The following ARHGEF33 variants were observed in gnomAD, a reference collection of about 807,000 sequenced individuals.
ARHGEF33 encodes the protein Rho guanine nucleotide exchange factor 33, also known as DH and coiled-coil domain-containing protein ENSP00000381780.
ARHGEF33 carries 72 observed loss-of-function variants against 101.9 expected under a neutral mutation model. The observed-to-expected ratio is 0.71, with a 90% CI of 0.58 to 0.86. The LOEUF (loss-of-function observed/expected upper bound fraction) is 0.86. ARHGEF33 is among the 40% of genes least tolerant of loss of function. The pLI, the probability that ARHGEF33 is intolerant of heterozygous loss-of-function variation, is 0.00. For missense variants in ARHGEF33, 1,169 were observed against 1,111.3 expected, an observed-to-expected ratio of 1.05 and a Z score of -0.74; for synonymous variants, 499 against 442.5, an observed-to-expected ratio of 1.13 and a Z score of -1.60.
At chr2:38,892,735 G>T (rs1666031997) in intron 1 of ARHGEF33, among the ~76,000 whole-genome samples, 1 of 152,134 alleles carries the variant, frequency 6.6e-6, no homozygotes, top group African/African-American at 2.4e-5. Context: ...CTGAATCTGA[G>T]AGTGACTATC....
intron 17 of ARHGEF33, 76 bp downstream of exon 17, chr2:38,966,221 A>C: frequency 6.7e-7 from 1 of 1,491,298 alleles, no homozygotes; most frequent in Non-Finnish European, 9.0e-7. Flanking sequence ...AACAATAATA[A>C]GTATCAAGTA....
intron 15 of ARHGEF33, among the ~76,000 whole-genome samples, chr2:38,959,136 A>G (rs923386478): frequency 2.0e-5 from 3 of 152,204 alleles, no homozygotes; most frequent in African/African-American, 7.2e-5. Flanking sequence ...ATCTGATGGT[A>G]CCCTATCCTA....
chr2:38,935,584 A>G, intron 7 of ARHGEF33, among the ~76,000 whole-genome samples, 191 bp from the exon 8 acceptor site: 1 of 152,176 alleles, frequency 6.6e-6, no homozygotes, highest in Non-Finnish European at 1.5e-5. Context: ...TGAGGTAAGT[A>G]CCACTATTAT....
At chr2:38,946,617 G>A (rs915036962) in intron 10 of ARHGEF33, among the ~76,000 whole-genome samples, 1 of 151,926 alleles carries the variant, frequency 6.6e-6, no homozygotes, top group Admixed American at 6.6e-5. Context: ...ACCTCTGTGT[G>A]TACTTTATTT....
intron 17 of ARHGEF33, among the ~76,000 whole-genome samples, chr2:38,970,360 C>G (rs977692034): frequency 1.3e-5 from 2 of 152,186 alleles, no homozygotes; most frequent in African/African-American, 2.4e-5. Flanking sequence ...GTTGAACAGA[C>G]CATGTAATAG....
chr2:38,919,317 T>A (rs985604686), intron 2 of ARHGEF33, 46 bp from the exon 3 acceptor site: 3 of 891,234 alleles, frequency 3.4e-6, no homozygotes, highest in Non-Finnish European at 5.3e-6. Flanking sequence ...TACAGTTTCT[T>A]TGACAGTTTT....
At position 38,898,639 on chromosome 2, in the gene ARHGEF33, C is replaced by A. The variant is rs1666172515; in HGVS notation, c.-86+2790C>A. ...CTTGCAGATAACATCATAGCTGATTCATTTCTATTTGGCTATACTTAACCT... is the reference window on the plus strand; with the variant it reads ...CTTGCAGATAACATCATAGCTGATTAATTTCTATTTGGCTATACTTAACCT... On this transcript the variant is annotated intron_variant, in intron 2 of 17. Transcript: ENST00000409978. Among the ~76,000 whole-genome samples the A allele has an allele frequency of 2.0e-5, 3 of 152,140 alleles. No homozygotes were observed. In the South Asian group the frequency reaches 6.2e-4, roughly 31 times the overall value.
At chr2:38,944,317 G>A (rs1457242066) in intron 10 of ARHGEF33, among the ~76,000 whole-genome samples, 1 of 152,166 alleles carries the variant, frequency 6.6e-6, no homozygotes, top group East Asian at 1.9e-4. Context: ...TTCCAAGATG[G>A]CACTTTGTTG....
At chr2:38,896,874 G>T (rs893722456) in intron 2 of ARHGEF33, among the ~76,000 whole-genome samples, 1 of 151,992 alleles carries the variant, frequency 6.6e-6, no homozygotes, top group Non-Finnish European at 1.5e-5. Flanking sequence ...TTAGTAGTTT[G>T]GTATAAATCC....
chr2:38,962,049 C>G (rs1012551949), intron 16 of ARHGEF33, among the ~76,000 whole-genome samples: 7 of 152,134 alleles, frequency 4.6e-5, no homozygotes, highest in African/African-American at 1.7e-4. Context: ...GTGTCTGGTC[C>G]CTGCAGAGGA....
intron 17 of ARHGEF33, among the ~76,000 whole-genome samples, chr2:38,968,546 C>T (rs1668099783): frequency 6.6e-6 from 1 of 152,172 alleles, no homozygotes. Flanking sequence ...ATGGGCTCTC[C>T]AAGTTCATGT....
rs2124437266 is a variant in ARHGEF33, at chr2:38,974,777, C to T, written c.*934C>T. 2 of 152,324 alleles carry T rather than the reference C, an allele frequency of 1.3e-5. No homozygotes were observed. The highest frequency in any genetic ancestry group is 6.8e-3 in the Middle Eastern group (2 of 294). The allele number at this position is 152,324 out of a possible 1,614,324, so 9.4% of individuals were successfully genotyped here. A position where few individuals can be genotyped will look rare whatever the true frequency, so the allele number is the denominator to read the frequency against. The stretch of plus-strand genomic sequence containing the variant: ...TTCAATGGCTCACACACAGCAGTTG[C>T]TACAAACAGCAGGTCAAAGTGAAAA... On this transcript the variant is annotated 3_prime_UTR_variant, in exon 18 of 18. Coordinates refer to ENST00000409978, the MANE Select transcript of ARHGEF33 (RefSeq NM_001145451.5).
chr2:38,911,089 G>A (rs1342372212), intron 2 of ARHGEF33, among the ~76,000 whole-genome samples: 2 of 152,042 alleles, frequency 1.3e-5, no homozygotes, highest in Admixed American at 1.3e-4. Flanking sequence ...TGAAAACTAC[G>A]AAGCATGAAC....
At chr2:38,954,209 C>G (rs1297402749) in intron 12 of ARHGEF33, among the ~76,000 whole-genome samples, 164 bp from the exon 13 acceptor site, 1 of 152,156 alleles carries the variant, frequency 6.6e-6, no homozygotes, top group Non-Finnish European at 1.5e-5. Context: ...AGGGCATGTC[C>G]CTGAACATGT....
chr2:38,953,245 G>C lies in ARHGEF33; in HGVS notation c.1137G>C (p.Glu379Asp). The change falls in exon 12 of 18, where the codon GAG (glutamate) becomes GAC (aspartate). Residue 379 changes from glutamate (E) to aspartate (D), a missense_variant and splice_region_variant. Physicochemically the swap from Glu to Asp is conservative, Grantham distance 45. Transcript: ENST00000409978. ...TGGTTCATGTTGTAGTCCTGAAAGA[G>C]GTGAGTTAACGCCATATATATGCTA... Reference protein sequence around the residue: ...ISLVHVVVLKEGDEEIKSDIY... With the variant: ...ISLVHVVVLKDGDEEIKSDIY... 1 of 1,511,868 alleles carries C rather than the reference G, an allele frequency of 6.6e-7. No homozygotes were observed. Among genetic ancestry groups the C allele is most frequent in the Non-Finnish European group, 9.0e-7 (1 of 1,110,346 alleles). 93.7% of individuals were successfully genotyped at this position (1,511,868 alleles called of 1,614,324 possible).
chr2:38,934,516 C>A (rs1667082186), intron 7 of ARHGEF33, among the ~76,000 whole-genome samples: 1 of 69,304 alleles, frequency 1.4e-5, no homozygotes, highest in Non-Finnish European at 2.7e-5. Flanking sequence ...CCTTCTCTCC[C>A]TCCCTCCCCC....
rs1472720774 is a variant in ARHGEF33, at chr2:38,960,389, C to T, written c.2084C>T (p.Ala695Val). Residue 695 changes from alanine (A) to valine (V), a missense_variant, in exon 16 of 18, where the codon GCG becomes GTG. By Grantham distance (64) the Ala-to-Val change is moderately conservative. Coordinates refer to ENST00000409978, the MANE Select transcript of ARHGEF33 (RefSeq NM_001145451.5). ...GSSSAYKLEA[A>V]AQAHGKAKPL... is the part of the protein sequence containing the mutation. ...AGCAGCGCCTACAAACTGGAGGCGG[C>T]GGCGCAGGCGCACGGCAAGGCCAAG... 2.1e-5 allele frequency: 32 copies of T among 1,509,528 alleles called. No homozygotes were observed. The highest frequency in any genetic ancestry group is 2.8e-5 in the Non-Finnish European group (32 of 1,135,118). The allele number at this position is 1,509,528 out of a possible 1,614,324, so 93.5% of individuals were successfully genotyped here. A position where few individuals can be genotyped will look rare whatever the true frequency, so the allele number is the denominator to read the frequency against.
At chr2:38,953,096 C>A in intron 11 of ARHGEF33, 66 bp from the exon 12 acceptor site, 1 of 760,598 alleles carries the variant, frequency 1.3e-6, no homozygotes, top group Non-Finnish European at 2.3e-6. Flanking sequence ...ACATATATGA[C>A]TCTATAAAAA....
intron 13 of ARHGEF33, among the ~76,000 whole-genome samples, chr2:38,954,861 T>C (rs1667701359): frequency 6.6e-6 from 1 of 152,184 alleles, no homozygotes; most frequent in African/African-American, 2.4e-5. Flanking sequence ...CTTGAACTCC[T>C]GACCTCAAGT....
Sources: allele counts gnomAD v4.1 joint callset (sites outside exome capture counted in the v4.1 genomes callset), GRCh38; gene constraint gnomAD v4.1.1; transcripts MANE v1.5; gene names NCBI Gene and HGNC (gene_info 2026-07-23, HGNC 2026-07-21).